The following CTNNA3 variants were observed in gnomAD, a reference collection of about 807,000 sequenced individuals.
CTNNA3 encodes catenin alpha 3.
Under a neutral mutation model 95.7 loss-of-function variants are expected in CTNNA3, and 76 were observed. The observed-to-expected ratio is 0.79, with a 90% CI of 0.66 to 0.96. CTNNA3 has a LOEUF of 0.96. Ranked by LOEUF, CTNNA3 falls within the 40% of genes least tolerant of loss-of-function variation. The pLI is 0.00. For missense variants in CTNNA3, 1,191 were observed against 1,089.8 expected, an observed-to-expected ratio of 1.09 and a Z score of -1.31; for synonymous variants, 431 against 374.4, an observed-to-expected ratio of 1.15 and a Z score of -1.74.
At chr10:67,352,156 G>A (rs570419872) in intron 5 of CTNNA3, among the ~76,000 whole-genome samples, 100 of 151,992 alleles carry the variant, frequency 6.6e-4, no homozygotes, top group Non-Finnish European at 1.3e-3. Flanking sequence ...AAGTGTGATC[G>A]GGTACGGGGA....
intron 1 of CTNNA3, among the ~76,000 whole-genome samples, chr10:67,655,221 A>C (rs969651756): frequency 6.6e-6 from 1 of 152,254 alleles, no homozygotes; most frequent in Non-Finnish European, 1.5e-5. Flanking sequence ...AGTTTAAACT[A>C]TTCTGATCAT....
chr10:66,507,605 C>A (rs557534359), intron 11 of CTNNA3, among the ~76,000 whole-genome samples: 29 of 152,210 alleles, frequency 1.9e-4, no homozygotes, highest in African/African-American at 6.7e-4. Flanking sequence ...CAATATTTAT[C>A]TTTCCACGTC....
chr10:67,625,865 C>T (rs1366575289), intron 2 of CTNNA3, among the ~76,000 whole-genome samples: 1 of 151,976 alleles, frequency 6.6e-6, no homozygotes, highest in African/African-American at 2.4e-5. Context: ...TCCTTTAACT[C>T]AGGGGAAAAA....
At chr10:67,352,930 T>G (rs1009181655) in intron 5 of CTNNA3, among the ~76,000 whole-genome samples, 1 of 152,012 alleles carries the variant, frequency 6.6e-6, no homozygotes, top group Non-Finnish European at 1.5e-5. Flanking sequence ...ATTCCAGGTA[T>G]GTACACAATG....
chr10:67,510,396 T>G (rs1839576030), intron 5 of CTNNA3, among the ~76,000 whole-genome samples: 1 of 152,180 alleles, frequency 6.6e-6, no homozygotes, highest in South Asian at 2.1e-4. Context: ...AGTTTCAGCT[T>G]TCTACATATG....
chr10:66,220,884 G>C (rs185546426), intron 13 of CTNNA3, among the ~76,000 whole-genome samples: 3 of 152,084 alleles, frequency 2.0e-5, no homozygotes, highest in Non-Finnish European at 4.4e-5. Flanking sequence ...GGTACAGGAT[G>C]GGGGGTGAGG....
intron 3 of CTNNA3, among the ~76,000 whole-genome samples, chr10:67,556,335 G>A (rs1841251593): frequency 6.6e-6 from 1 of 152,110 alleles, no homozygotes; most frequent in Admixed American, 6.6e-5. Context: ...AATAGTACCA[G>A]CTCCTTTTTG....
At chr10:67,616,661 A>G (rs573729937) in intron 2 of CTNNA3, among the ~76,000 whole-genome samples, 7 of 152,194 alleles carry the variant, frequency 4.6e-5, no homozygotes, top group Non-Finnish European at 8.8e-5. Context: ...AGGAAAGTAA[A>G]GGGACATGAG....
chr10:66,913,791 C>T (rs913263768), intron 7 of CTNNA3, among the ~76,000 whole-genome samples: 2 of 152,178 alleles, frequency 1.3e-5, no homozygotes, highest in Admixed American at 6.5e-5. Flanking sequence ...AATCAAAAGA[C>T]TACCCCATCC....
chr10:66,067,266 T>A (rs2080332579), intron 15 of CTNNA3, among the ~76,000 whole-genome samples: 1 of 152,184 alleles, frequency 6.6e-6, no homozygotes, highest in Non-Finnish European at 1.5e-5. Context: ...ACCTACCTTG[T>A]TTGACTATAG....
chr10:66,127,815 G>A (rs147710434), intron 13 of CTNNA3, among the ~76,000 whole-genome samples: 4 of 152,244 alleles, frequency 2.6e-5, no homozygotes, highest in Non-Finnish European at 5.9e-5. Flanking sequence ...GAACTGTTTT[G>A]CCTGTAATTC....
At chr10:66,818,094 CAA>C (rs5785790) in intron 7 of CTNNA3, among the ~76,000 whole-genome samples, 272 of 143,944 alleles carry the variant, frequency 1.9e-3, no homozygotes, top group Middle Eastern at 0.011. Flanking sequence ...TATTATTAAC[CAA>C]AAAAAAAAAA....
At chr10:67,000,454 T>TC (rs1447258945) in intron 7 of CTNNA3, among the ~76,000 whole-genome samples, 1 of 152,182 alleles carries the variant, frequency 6.6e-6, no homozygotes, top group African/African-American at 2.4e-5. Flanking sequence ...ACCTAGTTAG[T>TC]TCTATGAGAG....
chr10:66,284,316 A>G (rs1418028400), intron 12 of CTNNA3, among the ~76,000 whole-genome samples: 1 of 151,948 alleles, frequency 6.6e-6, no homozygotes, highest in Non-Finnish European at 1.5e-5. Flanking sequence ...TAAGGCAGGA[A>G]CTATTACTAT....
intron 12 of CTNNA3, among the ~76,000 whole-genome samples, chr10:66,321,682 A>G (rs1426563199): frequency 1.3e-5 from 2 of 152,186 alleles, no homozygotes; most frequent in Non-Finnish European, 1.5e-5. Flanking sequence ...AAACAAAGAT[A>G]TAACATATTT....
intron 5 of CTNNA3, among the ~76,000 whole-genome samples, chr10:67,362,426 T>C (rs1449081076): frequency 2.0e-5 from 3 of 152,132 alleles, no homozygotes; most frequent in Non-Finnish European, 4.4e-5. Context: ...TATTTCACCA[T>C]GATCAAGTGA....
At chr10:67,488,437 T>C (rs1848528716) in intron 5 of CTNNA3, among the ~76,000 whole-genome samples, 1 of 152,052 alleles carries the variant, frequency 6.6e-6, no homozygotes, top group Non-Finnish European at 1.5e-5. Flanking sequence ...TGGCGCAATC[T>C]TGGCTCACTG....
chr10:66,119,324 T>C (rs923827543), intron 13 of CTNNA3, among the ~76,000 whole-genome samples: 5 of 152,228 alleles, frequency 3.3e-5, no homozygotes, highest in East Asian at 1.9e-4. Flanking sequence ...TACAGTATTA[T>C]TTGTAAGATG....
chr10:67,060,552 A>T (rs1267825699), intron 7 of CTNNA3, among the ~76,000 whole-genome samples: 1 of 152,248 alleles, frequency 6.6e-6, no homozygotes, highest in Admixed American at 6.5e-5. Flanking sequence ...GCAGCACCAG[A>T]TAACACATTC....
Sources: gnomAD v4.1 joint callset for allele counts (sites outside exome capture counted in the v4.1 genomes callset) on GRCh38, gnomAD v4.1.1 for gene constraint, MANE v1.5 for transcripts, NCBI Gene and HGNC (gene_info 2026-07-23, HGNC 2026-07-21) for gene names.